TMEM117: variants seen among roughly 807,000 people sequenced by gnomAD.
TMEM117 encodes the protein transmembrane protein 117.
Under a neutral mutation model 52.4 loss-of-function variants are expected in TMEM117, and 27 were observed. That is an observed-to-expected ratio of 0.51 (90% confidence interval 0.38 to 0.71). TMEM117 has a LOEUF of 0.71. Among genes scored for constraint, TMEM117 ranks in the 30% least tolerant of loss-of-function variants. TMEM117 has a pLI of 0.00. For missense variants in TMEM117, 556 were observed against 630.5 expected (o/e 0.88, Z 1.26); for synonymous variants, 215 against 206.3 (o/e 1.04, Z -0.36).
intron 4 of TMEM117, among the ~76,000 whole-genome samples, chr12:44,208,389 T>G (rs1949598989): frequency 6.6e-6 from 1 of 152,078 alleles, no homozygotes; most frequent in South Asian, 2.1e-4. Context: ...CATAGAAAGA[T>G]TTGCAATTTC....
At chr12:44,394,401 A>C (rs1170892490), downstream of TMEM117, among the ~76,000 whole-genome samples, 3 of 152,162 alleles carry the variant, frequency 2.0e-5, no homozygotes, top group Admixed American at 2.0e-4. Context: ...GCTTCTTCCA[A>C]GTTGATGCTG....
intron 5 of TMEM117, among the ~76,000 whole-genome samples, chr12:44,272,937 C>T (rs1452737092): frequency 9.2e-5 from 14 of 152,104 alleles, no homozygotes; most frequent in Non-Finnish European, 1.5e-4. Context: ...TTTATTGTGG[C>T]GCTATTCACA....
chr12:43,821,096 C>T, the TMEM117 span, among the ~76,000 whole-genome samples: 8 of 130,736 alleles, frequency 6.1e-5, no homozygotes, highest in East Asian at 1.8e-3. Flanking sequence ...CTCCCTCTCA[C>T]ATTAAAAAAA....
At chr12:44,098,956 G>A (rs978925584) in intron 3 of TMEM117, among the ~76,000 whole-genome samples, 1 of 152,034 alleles carries the variant, frequency 6.6e-6, no homozygotes, top group Admixed American at 6.6e-5. Context: ...GGCTGGCAAA[G>A]GGCCAGCCCA....
chr12:44,049,341 C>T (rs1565807169), intron 3 of TMEM117, among the ~76,000 whole-genome samples: 1 of 152,088 alleles, frequency 6.6e-6, no homozygotes, highest in Non-Finnish European at 1.5e-5. Context: ...CACATGTTCT[C>T]ACTCATAAGT....
chr12:44,058,766 G>A (rs1947095251), intron 3 of TMEM117, among the ~76,000 whole-genome samples: 1 of 152,250 alleles, frequency 6.6e-6, no homozygotes, highest in South Asian at 2.1e-4. Context: ...TTTGTCTTCA[G>A]TTTCTTTTTT....
chr12:43,806,445 C>T, the TMEM117 span: 2 of 1,070,858 alleles, frequency 1.9e-6, no homozygotes. Context: ...GGCTGCGGTC[C>T]AGCCCCCGGC....
intron 3 of TMEM117, among the ~76,000 whole-genome samples, chr12:44,016,623 C>A (rs187327135): frequency 1.0e-3 from 154 of 152,242 alleles, no homozygotes; most frequent in Non-Finnish European, 1.9e-4. Flanking sequence ...AGTTAATTTG[C>A]CCTGATTTCT....
intron 4 of TMEM117, among the ~76,000 whole-genome samples, chr12:44,189,418 T>C (rs1330778389): frequency 1.3e-5 from 2 of 152,182 alleles, no homozygotes; most frequent in Admixed American, 1.3e-4. Flanking sequence ...TTTGAGAAGC[T>C]AGAGATGCTA....
chr12:44,259,929 T>C (rs1188137652), intron 5 of TMEM117, among the ~76,000 whole-genome samples: 1 of 152,158 alleles, frequency 6.6e-6, no homozygotes, highest in Non-Finnish European at 1.5e-5. Flanking sequence ...ACCAATCGTT[T>C]CTTATTTTAA....
At chr12:44,223,056 CTTTTA>C (rs1949811016) in intron 5 of TMEM117, among the ~76,000 whole-genome samples, 1 of 141,366 alleles carries the variant, frequency 7.1e-6, no homozygotes, top group Non-Finnish European at 1.5e-5. Context: ...CTTCTTTTAA[CTTTTA>C]TTTTAAGTTG....
chr12:43,881,351 C>G (rs1005740523), intron 2 of TMEM117, among the ~76,000 whole-genome samples: 1 of 152,196 alleles, frequency 6.6e-6, no homozygotes, highest in African/African-American at 2.4e-5. Flanking sequence ...TAAGAACTCT[C>G]TGTCACCCAG....
intron 3 of TMEM117, among the ~76,000 whole-genome samples, chr12:44,059,644 C>T (rs951294301): frequency 2.0e-5 from 3 of 152,176 alleles, no homozygotes; most frequent in Non-Finnish European, 2.9e-5. Flanking sequence ...CAGCAAATCT[C>T]TCTGACAGGC....
intron 5 of TMEM117, among the ~76,000 whole-genome samples, chr12:44,292,415 G>T (rs1485068565): frequency 6.6e-6 from 1 of 151,668 alleles, no homozygotes; most frequent in Admixed American, 6.6e-5. Context: ...TTTTAGCTTT[G>T]TTGGTATTTC....
chr12:43,875,457 T>C (rs141180810), intron 2 of TMEM117, among the ~76,000 whole-genome samples: 2,375 of 152,292 alleles, frequency 0.016, 27 homozygotes, highest in Non-Finnish European at 0.023. Flanking sequence ...CATCTGAGCT[T>C]TTGGGATATG....
At chr12:44,025,078 A>T (rs1363525770) in intron 3 of TMEM117, among the ~76,000 whole-genome samples, 2 of 152,178 alleles carry the variant, frequency 1.3e-5, no homozygotes, top group Non-Finnish European at 2.9e-5. Context: ...TAGGCAAGTA[A>T]CTTGACTTTG....
At chr12:43,846,437 G>GTT (rs1943209443) in intron 2 of TMEM117, among the ~76,000 whole-genome samples, 1 of 152,194 alleles carries the variant, frequency 6.6e-6, no homozygotes, top group Non-Finnish European at 1.5e-5. Flanking sequence ...CTGGTCTCAA[G>GTT]TTTAAACTCT....
intron 6 of TMEM117, among the ~76,000 whole-genome samples, chr12:44,349,225 A>G (rs1030361978): frequency 2.0e-5 from 3 of 151,896 alleles, no homozygotes; most frequent in African/African-American, 7.3e-5. Context: ...TCAGAGATGT[A>G]TGTTTAATTC....
chr12:43,799,422 T>C, the TMEM117 span: 45 of 1,609,322 alleles, frequency 2.8e-5, no homozygotes, highest in Non-Finnish European at 3.5e-5. Context: ...TCTGTCGTAG[T>C]TCTTCCTCAG....
Sources: gnomAD v4.1 joint callset for allele counts (sites outside exome capture counted in the v4.1 genomes callset) on GRCh38, gnomAD v4.1.1 for gene constraint, MANE v1.5 for transcripts, NCBI Gene and HGNC (gene_info 2026-07-23, HGNC 2026-07-21) for gene names.